CA10: variants seen among roughly 807,000 people sequenced by gnomAD.
The protein encoded by CA10 is carbonic anhydrase-related protein 10.
In CA10, 14 loss-of-function variants were observed where a neutral mutation model predicts 44.2. The ratio of observed to expected loss-of-function variants is 0.32; its 90% CI spans 0.21 to 0.50. The LOEUF is 0.50. CA10 is among the 20% of genes least tolerant of loss of function. The pLI is 0.99. For missense variants in CA10, 350 were observed against 409.7 expected, an observed-to-expected ratio of 0.85 and a Z score of 1.26; for synonymous variants, 159 against 141.6, an observed-to-expected ratio of 1.12 and a Z score of -0.87.
chr17:51,865,547 A>G (rs552964766), intron 3 of CA10, among the ~76,000 whole-genome samples: 2 of 152,218 alleles, frequency 1.3e-5, no homozygotes, highest in African/African-American at 4.8e-5. Flanking sequence ...GGCAGTGTCC[A>G]TGGCCTCAGG....
At chr17:51,768,166 C>CTT (rs59128137) in intron 3 of CA10, among the ~76,000 whole-genome samples, 3 of 141,830 alleles carry the variant, frequency 2.1e-5, no homozygotes, top group Non-Finnish European at 1.5e-5. Flanking sequence ...TAAAGATGTG[C>CTT]TTTTTTTTTT....
chr17:51,729,478 C>T lies in CA10; in HGVS notation c.465+18155G>A, dbSNP rs1169591997. On this transcript the variant is annotated intron_variant, in intron 4 of 8. Transcript: ENST00000451037. Reference sequence around the variant, plus strand: ...ACTGCATATGGACTTTTCATATGGGCTTGGAAACTTTCTTAAGCTAACTGG... The same window carrying T: ...ACTGCATATGGACTTTTCATATGGGTTTGGAAACTTTCTTAAGCTAACTGG... 3.9e-5 allele frequency among the ~76,000 whole-genome samples: 6 copies of T among 152,112 alleles called. No homozygotes were observed. In the East Asian group the frequency reaches 1.2e-3, roughly 29 times the overall value.
At chr17:52,107,806 A>G (rs1988693100) in intron 1 of CA10, among the ~76,000 whole-genome samples, 1 of 152,190 alleles carries the variant, frequency 6.6e-6, no homozygotes, top group Admixed American at 6.5e-5. Flanking sequence ...CAGTTCAAAG[A>G]AGACATTTGC....
At chr17:52,064,376 A>G (rs1987475670) in intron 2 of CA10, among the ~76,000 whole-genome samples, 1 of 152,166 alleles carries the variant, frequency 6.6e-6, no homozygotes, top group African/African-American at 2.4e-5. Flanking sequence ...AATAAATGGT[A>G]ATTCTTAAGT....
At chr17:51,675,656 C>A (rs1272797001) in intron 4 of CA10, among the ~76,000 whole-genome samples, 2 of 151,478 alleles carry the variant, frequency 1.3e-5, no homozygotes, top group African/African-American at 2.4e-5. Context: ...GCGGAGGTTG[C>A]AGTGAGCCTA....
At chr17:52,074,300 T>C (rs1475613126) in intron 1 of CA10, among the ~76,000 whole-genome samples, 1 of 152,204 alleles carries the variant, frequency 6.6e-6, no homozygotes, top group Non-Finnish European at 1.5e-5. Flanking sequence ...CTAGCTCTGC[T>C]AGACATGTAA....
chr17:51,892,919 C>A (rs1422136431), intron 3 of CA10, among the ~76,000 whole-genome samples: 1 of 152,108 alleles, frequency 6.6e-6, no homozygotes, highest in African/African-American at 2.4e-5. Flanking sequence ...TCAAACTTCT[C>A]ATTATGTGTC....
chr17:51,887,861 A>C (rs564917958), intron 3 of CA10, among the ~76,000 whole-genome samples: 3 of 151,580 alleles, frequency 2.0e-5, no homozygotes, highest in Admixed American at 2.0e-4. Flanking sequence ...AAAAGAAAAA[A>C]AAAAAAGAAA....
chr17:51,672,291 C>T (rs914490351), intron 4 of CA10, among the ~76,000 whole-genome samples: 2 of 152,202 alleles, frequency 1.3e-5, no homozygotes, highest in African/African-American at 2.4e-5. Context: ...TCACAGCATG[C>T]TAGCGCTATA....
At chr17:52,137,080 C>T (rs113630241) in intron 1 of CA10, among the ~76,000 whole-genome samples, 100 of 151,358 alleles carry the variant, frequency 6.6e-4, no homozygotes, top group African/African-American at 2.1e-3. Context: ...TTGAAGTTTA[C>T]GGATGTGGGG....
chr17:51,881,242 GAAAAAAAAAAAA>G (rs11423498), intron 3 of CA10, among the ~76,000 whole-genome samples: 3 of 123,734 alleles, frequency 2.4e-5, no homozygotes, highest in Admixed American at 1.8e-4. Flanking sequence ...TCCGTCTCAA[GAAAAAAAAAAAA>G]AAAAAAAGTT....
intron 3 of CA10, among the ~76,000 whole-genome samples, chr17:51,913,391 A>G (rs1981864556): frequency 6.6e-6 from 1 of 152,220 alleles, no homozygotes; most frequent in Middle Eastern, 3.4e-3. Context: ...TCAGTCTCTG[A>G]GTCTCACCTG....
intron 2 of CA10, among the ~76,000 whole-genome samples, chr17:51,987,758 G>T (rs1452207492): frequency 6.6e-6 from 1 of 151,816 alleles, no homozygotes. Flanking sequence ...ATTCACCAAG[G>T]CGATTAAGAG....
At chr17:51,636,773 TTTTGTGTG>T (rs752770445) in intron 6 of CA10, among the ~76,000 whole-genome samples, 546 of 45,780 alleles carry the variant, frequency 0.012, 1 homozygote, top group Non-Finnish European at 0.017. Context: ...CAACTGATTA[TTTTGTGTG>T]TGTGTGTGTG....
intron 3 of CA10, among the ~76,000 whole-genome samples, chr17:51,889,776 T>C (rs1229213982): frequency 6.6e-6 from 1 of 152,168 alleles, no homozygotes; most frequent in African/African-American, 2.4e-5. Context: ...TAATGGAAGT[T>C]TCACCTGCAT....
chr17:51,849,170 T>C (rs1352752009), intron 3 of CA10, among the ~76,000 whole-genome samples: 2 of 102,876 alleles, frequency 1.9e-5, no homozygotes, highest in Non-Finnish European at 4.1e-5. Flanking sequence ...TATGTATATA[T>C]ATATACATAT....
chr17:51,688,051 T>C (rs1915065543), intron 4 of CA10, among the ~76,000 whole-genome samples: 1 of 152,196 alleles, frequency 6.6e-6, no homozygotes, highest in Admixed American at 6.5e-5. Flanking sequence ...TTGGATCACC[T>C]GCTTTGGGGG....
At chr17:51,832,319 GTCCTTC>G (rs1908313571) in intron 3 of CA10, among the ~76,000 whole-genome samples, 1 of 152,184 alleles carries the variant, frequency 6.6e-6, no homozygotes, top group East Asian at 1.9e-4. Context: ...CTGATACATA[GTCCTTC>G]TAGGGAGGGT....
intron 4 of CA10, among the ~76,000 whole-genome samples, chr17:51,662,340 A>C (rs145092635): frequency 5.3e-5 from 8 of 152,212 alleles, no homozygotes; most frequent in Admixed American, 2.0e-4. Context: ...CAGCTCACCC[A>C]TATTACCACA....
Sources: gnomAD v4.1 joint callset for allele counts (sites outside exome capture counted in the v4.1 genomes callset) on GRCh38, gnomAD v4.1.1 for gene constraint, MANE v1.5 for transcripts, NCBI Gene and HGNC (gene_info 2026-07-23, HGNC 2026-07-21) for gene names.